Variants in VWA8 observed in about 807,000 individuals in gnomAD.
VWA8 encodes the protein von Willebrand factor A domain containing 8, also known as von Willebrand factor A domain-containing protein 8.
VWA8 carries 221 observed loss-of-function variants against 241.5 expected under a neutral mutation model. The observed-to-expected ratio is 0.91, with a 90% confidence interval of 0.82 to 1.02. VWA8 has a LOEUF of 1.02. VWA8 is among the 50% of genes least tolerant of loss of function. The pLI, the probability that VWA8 is intolerant of heterozygous loss-of-function variation, is 0.00. For missense variants in VWA8, 2,322 were observed against 2,328.7 expected, an observed-to-expected ratio of 1.00 and a Z score of 0.06; for synonymous variants, 852 against 827.1, an observed-to-expected ratio of 1.03 and a Z score of -0.52.
At chr13:41,924,410 G>A (rs1417093331) in intron 2 of VWA8, among the ~76,000 whole-genome samples, 2 of 140,958 alleles carry the variant, frequency 1.4e-5, no homozygotes, top group South Asian at 2.5e-4. Flanking sequence ...GGGAGGGGAG[G>A]GGAGGAGAGG....
intron 2 of VWA8, among the ~76,000 whole-genome samples, chr13:41,922,525 A>T (rs1876598347): frequency 6.6e-6 from 1 of 152,248 alleles, no homozygotes; most frequent in South Asian, 2.1e-4. Flanking sequence ...AAATTTTTAC[A>T]ATCTACCCAT....
At chr13:41,736,543 G>T (rs2045526138) in intron 21 of VWA8, among the ~76,000 whole-genome samples, 1 of 152,150 alleles carries the variant, frequency 6.6e-6, no homozygotes, top group Non-Finnish European at 1.5e-5. Flanking sequence ...AGGAGCAGAA[G>T]ATCTCAAAAT....
At chr13:41,736,660 G>T (rs572881080) in intron 21 of VWA8, among the ~76,000 whole-genome samples, 6 of 152,054 alleles carry the variant, frequency 3.9e-5, no homozygotes, top group Admixed American at 3.9e-4. Context: ...AGTAAAGGAA[G>T]AAAGAAGACA....
At chr13:41,685,014 TTG>T (rs2045125364) in intron 35 of VWA8, 31 bp downstream of exon 35, 1 of 1,586,724 alleles carries the variant, frequency 6.3e-7, no homozygotes, top group African/African-American at 1.4e-5. Context: ...TAAACCACCT[TTG>T]TAAATTAGGA....
intron 4 of VWA8, among the ~76,000 whole-genome samples, chr13:41,901,374 C>T (rs1235456624): frequency 2.0e-5 from 3 of 152,114 alleles, no homozygotes; most frequent in Admixed American, 6.5e-5. Flanking sequence ...TGCTATTTAT[C>T]AGTTGTACAA....
At chr13:41,809,123 T>C (rs1870354773) in intron 17 of VWA8, among the ~76,000 whole-genome samples, 1 of 152,102 alleles carries the variant, frequency 6.6e-6, no homozygotes, top group Non-Finnish European at 1.5e-5. Context: ...TGCTAAAAAA[T>C]GGAAAGATAT....
intron 39 of VWA8, among the ~76,000 whole-genome samples, chr13:41,606,722 G>A (rs184080318): frequency 2.3e-3 from 355 of 152,238 alleles, no homozygotes; most frequent in Middle Eastern, 0.01. Flanking sequence ...ATTCACCATG[G>A]GGGAGAGCGC....
chr13:41,689,358 A>T lies in VWA8; in HGVS notation c.4127T>A (p.Leu1376His). The T allele has an allele frequency of 6.2e-7, 1 of 1,608,524 alleles. No homozygotes were observed. The highest frequency in any genetic ancestry group is 8.5e-7 in the Non-Finnish European group (1 of 1,177,830). Reference protein sequence around the residue: ...YATIVVGFPDLMSPSEVYSWK... With the variant: ...YATIVVGFPDHMSPSEVYSWK... ...ATTTAAAAAATGGGTGCTTACCATG[A>T]GATCTGGAAAACCAACAACTATTGT... The change falls in exon 34 of 45, where the codon CTC (leucine) becomes CAC (histidine). Residue 1376 changes from leucine (L) to histidine (H), a missense_variant. Physicochemically the swap from Leu to His is moderately conservative, Grantham distance 99. Transcript: ENST00000379310.
intron 42 of VWA8, among the ~76,000 whole-genome samples, chr13:41,576,756 T>C (rs544510674): frequency 9.9e-5 from 15 of 152,236 alleles, no homozygotes; most frequent in Non-Finnish European, 1.8e-4. Flanking sequence ...TGATAAAATA[T>C]ACGTTATAAT....
At chr13:41,647,622 C>T (rs1275706104) in intron 37 of VWA8, among the ~76,000 whole-genome samples, 2 of 152,114 alleles carry the variant, frequency 1.3e-5, no homozygotes, top group Non-Finnish European at 2.9e-5. Flanking sequence ...ATGGTTTTTT[C>T]CCTTCAAAAT....
At chr13:41,852,235 T>C (rs1212407895) in intron 12 of VWA8, among the ~76,000 whole-genome samples, 1 of 152,230 alleles carries the variant, frequency 6.6e-6, no homozygotes, top group Non-Finnish European at 1.5e-5. Context: ...CCAACAAGTA[T>C]ATTTTAAAAT....
intron 14 of VWA8, among the ~76,000 whole-genome samples, chr13:41,819,642 C>T (rs1050851774): frequency 4.6e-5 from 7 of 152,186 alleles, no homozygotes; most frequent in Admixed American, 4.6e-4. Context: ...TGACACGAAC[C>T]ACTGCTTTTG....
rs1593856512 is a variant in VWA8, at chr13:41,900,840, A to T, written c.483+6746T>A. On this transcript the variant is annotated intron_variant, in intron 4 of 44. Coordinates refer to ENST00000379310, the MANE Select transcript of VWA8 (RefSeq NM_015058.2). ...TGAGGAAGCTAAAGAAAAATTTTTT[A>T]AATTACATTTCAAGTTCTTCATTTT... Among the ~76,000 whole-genome samples, 3 of 152,320 alleles carry T rather than the reference A, an allele frequency of 2.0e-5. No homozygotes were observed. The South Asian group carries it at 6.2e-4, about 32-fold the overall frequency.
chr13:41,684,927 T>A (rs1593695706), intron 35 of VWA8, 120 bp downstream of exon 35: 1 of 912,958 alleles, frequency 1.1e-6, no homozygotes, highest in East Asian at 2.6e-5. Flanking sequence ...ACTTCTAAAC[T>A]TGTCGGAATG....
At chr13:41,753,037 G>C (rs548344831) in intron 21 of VWA8, among the ~76,000 whole-genome samples, 1 of 152,236 alleles carries the variant, frequency 6.6e-6, no homozygotes, top group Non-Finnish European at 1.5e-5. Context: ...TGAAGGGTTG[G>C]GGGAGAAAGG....
At chr13:41,652,485 G>C (rs2044875718) in intron 37 of VWA8, among the ~76,000 whole-genome samples, 2 of 152,148 alleles carry the variant, frequency 1.3e-5, no homozygotes, top group Admixed American at 1.3e-4. Context: ...CACATACTCA[G>C]CAGTTAATTA....
chr13:41,610,523 T>C (rs2044580371), intron 39 of VWA8, among the ~76,000 whole-genome samples: 1 of 151,938 alleles, frequency 6.6e-6, no homozygotes, highest in Non-Finnish European at 1.5e-5. Flanking sequence ...CTGGCAGGCT[T>C]TCCTGAGGGT....
chr13:41,572,555 CG>C (rs1368316912), intron 43 of VWA8, among the ~76,000 whole-genome samples: 2 of 151,996 alleles, frequency 1.3e-5, no homozygotes, highest in African/African-American at 4.8e-5. Flanking sequence ...GGATTAAGGG[CG>C]GTGCAAGATG....
At chr13:41,841,225 A>C (rs1490713506) in intron 12 of VWA8, among the ~76,000 whole-genome samples, 2 of 152,196 alleles carry the variant, frequency 1.3e-5, no homozygotes, top group Non-Finnish European at 2.9e-5. Flanking sequence ...GATTGCAGTT[A>C]ATATAGGAAT....
Sources: allele counts gnomAD v4.1 joint callset (sites outside exome capture counted in the v4.1 genomes callset), GRCh38; gene constraint gnomAD v4.1.1; transcripts MANE v1.5; gene names NCBI Gene and HGNC (gene_info 2026-07-23, HGNC 2026-07-21).